Variants in SLC25A26 observed in about 807,000 individuals in gnomAD.
SLC25A26 encodes the protein mitochondrial S-adenosylmethionine carrier protein.
Under a neutral mutation model 37.8 loss-of-function variants are expected in SLC25A26, and 36 were observed. The observed-to-expected ratio is 0.95, with a 90% CI of 0.73 to 1.26. The LOEUF (loss-of-function observed/expected upper bound fraction) is 1.26, where lower values mean the gene tolerates loss of function less well. Among genes scored for constraint, SLC25A26 ranks in the 50% most tolerant of loss-of-function variants. SLC25A26 has a pLI of 0.00. For missense variants in SLC25A26, 390 were observed against 331.1 expected (o/e 1.18, Z -1.38); for synonymous variants, 129 against 122.5 (o/e 1.05, Z -0.35).
intron 1 of SLC25A26, among the ~76,000 whole-genome samples, chr3:66,195,490 CG>C (rs2071030656): frequency 6.6e-6 from 1 of 152,224 alleles, no homozygotes. Context: ...GTAGGAAGAA[CG>C]ACACAGGAGG....
chr3:66,216,664 T>A (rs1208871607), upstream of SLC25A26, among the ~76,000 whole-genome samples: 3 of 152,068 alleles, frequency 2.0e-5, no homozygotes, highest in African/African-American at 4.8e-5. Flanking sequence ...TTGAGCTATG[T>A]CTTTGGTTTC....
intron 5 of SLC25A26, among the ~76,000 whole-genome samples, chr3:66,281,822 C>CT (rs35569177): frequency 0.035 from 4,264 of 122,364 alleles, 298 homozygotes; most frequent in African/African-American, 0.12. Flanking sequence ...CCCGTTAGTC[C>CT]TTTTTTTTTT....
intron 1 of SLC25A26, among the ~76,000 whole-genome samples, chr3:66,164,838 T>A (rs1452265557): frequency 1.3e-5 from 2 of 152,288 alleles, no homozygotes; most frequent in African/African-American, 4.8e-5. Context: ...ACAACCCAGT[T>A]ATCATGGTGG....
intron 1 of SLC25A26, among the ~76,000 whole-genome samples, chr3:66,195,420 A>C (rs1019036531): frequency 6.6e-6 from 1 of 152,236 alleles, no homozygotes; most frequent in Non-Finnish European, 1.5e-5. Context: ...TGCCTGCTGC[A>C]ACGGCCTGAC....
chr3:66,353,013 G>A (rs909963852), intron 6 of SLC25A26, among the ~76,000 whole-genome samples: 1 of 152,184 alleles, frequency 6.6e-6, no homozygotes, highest in African/African-American at 2.4e-5. Context: ...GTGGTGTGAT[G>A]AGCAGACACT....
intron 1 of SLC25A26, among the ~76,000 whole-genome samples, chr3:66,225,723 G>T (rs781845237): frequency 1.3e-5 from 2 of 152,060 alleles, no homozygotes; most frequent in Non-Finnish European, 2.9e-5. Context: ...TCACCTCTAG[G>T]ATGCTTTGCC....
At chr3:66,222,461 G>A (rs916883097) in intron 1 of SLC25A26, among the ~76,000 whole-genome samples, 1 of 152,214 alleles carries the variant, frequency 6.6e-6, no homozygotes, top group Non-Finnish European at 1.5e-5. Context: ...GACTACAGGC[G>A]TGAGCCACGG....
At chr3:66,185,307 A>C (rs2070804728) in intron 1 of SLC25A26, among the ~76,000 whole-genome samples, 1 of 152,194 alleles carries the variant, frequency 6.6e-6, no homozygotes, top group Non-Finnish European at 1.5e-5. Context: ...TTTAAGGCTG[A>C]ATAATATTCG....
intron 9 of SLC25A26, among the ~76,000 whole-genome samples, chr3:66,372,309 G>A (rs1700392229): frequency 6.6e-6 from 1 of 152,182 alleles, no homozygotes; most frequent in African/African-American, 2.4e-5. Flanking sequence ...CAGAGCTGCA[G>A]CCCCTCAGCC....
At chr3:66,264,702 T>G (rs1433985053) in intron 5 of SLC25A26, among the ~76,000 whole-genome samples, 1 of 152,208 alleles carries the variant, frequency 6.6e-6, no homozygotes. Flanking sequence ...AAAATTTTCT[T>G]CCACAAAACC....
chr3:66,154,860 C>G (rs926930162), intron 1 of SLC25A26, among the ~76,000 whole-genome samples: 2 of 152,152 alleles, frequency 1.3e-5, no homozygotes, highest in Non-Finnish European at 2.9e-5. Flanking sequence ...TGGGCATATT[C>G]TAAAACCAAT....
chr3:66,303,904 G>A (rs991624942), intron 5 of SLC25A26, among the ~76,000 whole-genome samples: 1 of 152,186 alleles, frequency 6.6e-6, no homozygotes, highest in Non-Finnish European at 1.5e-5. Flanking sequence ...TATGACTGAG[G>A]ATCCTGTTTC....
At chr3:66,330,208 A>G (rs1472773796) in intron 5 of SLC25A26, among the ~76,000 whole-genome samples, 4 of 152,184 alleles carry the variant, frequency 2.6e-5, no homozygotes, top group Admixed American at 6.5e-5. Context: ...CTGGGCCTAT[A>G]TAGTCATCTT....
chr3:66,377,550 C>CTTAT (rs1443879328), intron 9 of SLC25A26, 140 bp from the exon 10 acceptor site: 2 of 602,116 alleles, frequency 3.3e-6, no homozygotes, highest in African/African-American at 3.7e-5. Flanking sequence ...TATTACTTGC[C>CTTAT]TTATTTGGGA....
intron 1 of SLC25A26, among the ~76,000 whole-genome samples, chr3:66,178,779 G>A (rs970632377): frequency 1.3e-5 from 2 of 152,164 alleles, no homozygotes; most frequent in African/African-American, 4.8e-5. Flanking sequence ...TTAAACGCCA[G>A]CAAGTAACAT....
chr3:66,172,410 G>GAAAAAAA (rs1199322248), intron 1 of SLC25A26, among the ~76,000 whole-genome samples: 2,655 of 75,080 alleles, frequency 0.035, 191 homozygotes, highest in African/African-American at 0.043. Context: ...TACCTGTAAA[G>GAAAAAAA]AAAAAAAAAA....
At chr3:66,278,982 T>C (rs2074248023) in intron 5 of SLC25A26, among the ~76,000 whole-genome samples, 1 of 152,146 alleles carries the variant, frequency 6.6e-6, no homozygotes, top group Admixed American at 6.5e-5. Flanking sequence ...CCATGTAGTG[T>C]GCTAAGGCTG....
At chr3:66,371,131 C>T in intron 9 of SLC25A26, 1 of 1,419,608 alleles carries the variant, frequency 7.0e-7, no homozygotes. Context: ...ATTGCTTTGA[C>T]ACCATAAACT....
chr3:66,169,029 G>T (rs1249233060), intron 1 of SLC25A26, among the ~76,000 whole-genome samples: 6 of 152,166 alleles, frequency 3.9e-5, no homozygotes, highest in Admixed American at 3.9e-4. Flanking sequence ...GGAGGCTGAG[G>T]CAGGAAGATT....
Sources: allele counts gnomAD v4.1 joint callset (sites outside exome capture counted in the v4.1 genomes callset), GRCh38; gene constraint gnomAD v4.1.1; transcripts MANE v1.5; gene names NCBI Gene and HGNC (gene_info 2026-07-23, HGNC 2026-07-21).